Variants in CDK5RAP3 observed in about 807,000 individuals in gnomAD.
CDK5RAP3 encodes CDK5 regulatory subunit-associated protein 3.
In CDK5RAP3, 58 loss-of-function variants were observed where a neutral mutation model predicts 73.3. That is an observed-to-expected ratio of 0.79 (90% CI 0.64 to 0.98). The LOEUF is 0.98. Among genes scored for constraint, CDK5RAP3 ranks in the 50% least tolerant of loss-of-function variants. CDK5RAP3 has a pLI of 0.00. For missense variants in CDK5RAP3, 525 were observed against 615.8 expected, an observed-to-expected ratio of 0.85 and a Z score of 1.56; for synonymous variants, 224 against 247.5, an observed-to-expected ratio of 0.91 and a Z score of 0.89.
Position 47,980,175 on chromosome 17 carries a change from A to C in CDK5RAP3, c.1078-418A>C, listed in dbSNP as rs2036517964. The C allele has an allele frequency of 3.6e-5, 8 of 221,580 alleles. No individual in the cohort carries two copies. The South Asian group carries it at 4.8e-4, about 13-fold the overall frequency. 13.7% of individuals were successfully genotyped at this position (221,580 alleles called of 1,614,324 possible). On this transcript the variant is annotated intron_variant, in intron 11 of 13. Transcript: ENST00000338399. ...TGTTCAGAGGAAACTCCTTACCCAG[A>C]GTCTAGCCCTCATGTCTCATTTTTG...
chr17:47,974,698 G>A (rs1468984714), intron 5 of CDK5RAP3: 1 of 1,349,246 alleles, frequency 7.4e-7, no homozygotes, highest in Non-Finnish European at 9.6e-7. Flanking sequence ...GGTGTGTGTG[G>A]GTCCTCCACC....
At position 47,978,581 on chromosome 17, in the gene CDK5RAP3, A is replaced by G. The variant is rs1203837782; in HGVS notation, c.989-248A>G. On this transcript the variant is annotated intron_variant, in intron 10 of 13. Transcript: ENST00000338399. The stretch of plus-strand genomic sequence containing the variant: ...TTTACCTCCTGCGGTCCACCAGAGC[A>G]GAGAGCCGGCCTTTCTACCCCTCTG... The G allele has an allele frequency of 6.0e-6, 3 of 500,778 alleles. No individual in the cohort carries two copies. The East Asian group carries it at 1.0e-4, about 17-fold the overall frequency. 31.0% of individuals were successfully genotyped at this position (500,778 alleles called of 1,614,324 possible).
intron 9 of CDK5RAP3, among the ~76,000 whole-genome samples, chr17:47,977,426 G>C (rs1381616304): frequency 6.6e-6 from 1 of 152,196 alleles, no homozygotes; most frequent in African/African-American, 2.4e-5. Context: ...GGGATTACAG[G>C]CGTGAGCCAC....
chr17:47,980,525 C>A, intron 11 of CDK5RAP3, 68 bp from the exon 12 acceptor site: 1 of 1,456,644 alleles, frequency 6.9e-7, no homozygotes, highest in South Asian at 1.1e-5. Flanking sequence ...CCTTGGCCTC[C>A]CACAGTGCTG....
At position 47,971,159 on chromosome 17, in the gene CDK5RAP3, G is replaced by A. The variant is rs1208308411; in HGVS notation, c.6+7G>A. 23 of 1,548,284 alleles carry A rather than the reference G, an allele frequency of 1.5e-5. No homozygotes were observed. The highest frequency in any genetic ancestry group is 1.9e-5 in the Non-Finnish European group (22 of 1,145,176). On this transcript the variant is annotated splice_region_variant and intron_variant, in intron 1 of 13. Transcript: ENST00000338399. ...AAGTGGAGGAAAGATGGAGGTGTGG[G>A]GACAGGAGCTGGGTGTGCTGGGGAC...
chr17:47,968,479 C>G (rs1433368751), upstream of CDK5RAP3, among the ~76,000 whole-genome samples: 2 of 150,840 alleles, frequency 1.3e-5, no homozygotes. Context: ...TGCACCACCA[C>G]GCCGGGATGG....
chr17:47,980,387 G>A lies in CDK5RAP3; in HGVS notation c.1078-206G>A, dbSNP rs2036523538. The A allele has an allele frequency of 6.9e-6, 4 of 583,226 alleles. No homozygotes were observed. The South Asian group carries it at 7.5e-5, about 11-fold the overall frequency. 36.1% of individuals were successfully genotyped at this position (583,226 alleles called of 1,614,324 possible). The stretch of plus-strand genomic sequence containing the variant: ...GGGCTCAAGTGATCCTCCCGCCTCA[G>A]CCTCCTGAGTAGCTGGGACTACAGG... On this transcript the variant is annotated intron_variant, in intron 11 of 13. Coordinates refer to ENST00000338399, the MANE Select transcript of CDK5RAP3 (RefSeq NM_176096.3).
In CDK5RAP3 at chr17:47,974,411, G is replaced by C. The variant is rs762434056; in HGVS notation, c.297G>C (p.Glu99Asp). ...CTGTTCTTACTCAGGATTGGCAGGA[G>C]ATTATAGCTCTGTATGAGAAGGACA... ...YSSQRMKDWQEIIALYEKDNT... is the reference protein window; with the variant it reads ...YSSQRMKDWQDIIALYEKDNT... Residue 99 changes from glutamate (E) to aspartate (D), a missense_variant, in exon 5 of 14, where the codon GAG (glutamate) becomes GAC (aspartate). Coordinates refer to ENST00000338399, the MANE Select transcript of CDK5RAP3 (RefSeq NM_176096.3). 3.7e-6 allele frequency: 6 copies of C among 1,613,968 alleles called. No homozygotes were observed. The highest frequency in any genetic ancestry group is 5.1e-6 in the Non-Finnish European group (6 of 1,179,914).
chr17:47,971,178 T>C, intron 1 of CDK5RAP3, 26 bp downstream of exon 1: 3 of 1,542,526 alleles, frequency 1.9e-6, no homozygotes. Context: ...CTGGGTGTGC[T>C]GGGGACTGGC....
At chr17:47,975,492 C>A in intron 6 of CDK5RAP3, 22 bp from the exon 7 acceptor site, 1 of 1,610,088 alleles carries the variant, frequency 6.2e-7, no homozygotes. Flanking sequence ...CTGTTGGACT[C>A]CACCTCTTCT....
At chr17:47,977,118 C>T (rs531919731) in intron 9 of CDK5RAP3, among the ~76,000 whole-genome samples, 13 of 151,650 alleles carry the variant, frequency 8.6e-5, no homozygotes, top group African/African-American at 2.4e-4. Flanking sequence ...TGATTATAGG[C>T]GCCCACCACC....
chr17:47,976,043 A>G (rs780692754), intron 8 of CDK5RAP3, 30 bp downstream of exon 8: 1 of 1,606,228 alleles, frequency 6.2e-7, no homozygotes, highest in African/African-American at 1.3e-5. Context: ...GAGCTGTAGG[A>G]GTGGAGTGGG....
intron 2 of CDK5RAP3, 35 bp downstream of exon 2, chr17:47,971,442 G>C (rs547517744): frequency 3.1e-5 from 48 of 1,568,462 alleles, no homozygotes; most frequent in Admixed American, 7.3e-5. Flanking sequence ...CTGGCTGTCG[G>C]GGGGAGGCCT....
upstream of CDK5RAP3, among the ~76,000 whole-genome samples, chr17:47,968,815 G>A (rs2036214470): frequency 6.6e-6 from 1 of 151,656 alleles, no homozygotes; most frequent in African/African-American, 2.4e-5. Flanking sequence ...CGTGCCCAGC[G>A]TGTTTTTTGT....
intron 8 of CDK5RAP3, 56 bp downstream of exon 8, chr17:47,976,069 C>T: frequency 6.3e-7 from 1 of 1,575,218 alleles, no homozygotes; most frequent in Non-Finnish European, 8.6e-7. Context: ...CTTGTCCCCT[C>T]CCCACCCCCA....
rs762149979 is a variant in CDK5RAP3, at chr17:47,981,143, C to CA, written c.1284-19dup. On this transcript the variant is annotated intron_variant, in intron 12 of 13. Coordinates refer to ENST00000338399, the MANE Select transcript of CDK5RAP3 (RefSeq NM_176096.3). ...CAGGATGCACAGCTAACCCAGCACTCACCTGAGTGCCCCGCACAGGTATGT... is the reference window on the plus strand; with the variant it reads ...CAGGATGCACAGCTAACCCAGCACTCAACCTGAGTGCCCCGCACAGGTATGT... 19 of 1,605,960 alleles carry CA rather than the reference C, an allele frequency of 1.2e-5. No individual in the cohort carries two copies. The highest frequency in any genetic ancestry group is 1.6e-5 in the Non-Finnish European group (19 of 1,174,020).
intron 5 of CDK5RAP3, 136 bp from the exon 6 acceptor site, chr17:47,975,023 G>A: frequency 6.3e-7 from 1 of 1,590,900 alleles, no homozygotes; most frequent in East Asian, 2.2e-5. Context: ...CTTGTCTTAG[G>A]CTCCACAGCT....
intron 1 of CDK5RAP3, 65 bp from the exon 2 acceptor site, chr17:47,971,297 G>C (rs1360448369): frequency 1.3e-5 from 20 of 1,566,268 alleles, no homozygotes; most frequent in Middle Eastern, 1.7e-4. Flanking sequence ...ACGTTGAAAT[G>C]AGCGCGCGAG....
Position 47,976,750 on chromosome 17 carries a change from G to A in CDK5RAP3, c.837G>A (p.Glu279=). The A allele has an allele frequency of 1.9e-6, 3 of 1,613,194 alleles. No individual in the cohort carries two copies. The highest frequency in any genetic ancestry group is 1.7e-4 in the Middle Eastern group (1 of 5,928). The change falls in exon 9 of 14, where the codon GAG becomes GAA. Residue 279 remains glutamate, a synonymous_variant. Transcript: ENST00000338399. ...ACTTTGGGGTAGAGGCAGTGTCTGA[G>A]GGGACTGACTCTGGCATCTCTGCCG... ...WGDFGVEAVS[E]GTDSGISAEA...
Sources: gnomAD v4.1 joint callset for allele counts (sites outside exome capture counted in the v4.1 genomes callset) on GRCh38, gnomAD v4.1.1 for gene constraint, MANE v1.5 for transcripts, NCBI Gene and HGNC (gene_info 2026-07-23, HGNC 2026-07-21) for gene names.